Variants in SEMA6D observed in about 807,000 individuals in gnomAD.
SEMA6D encodes semaphorin 6D, also known as semaphorin-6D.
SEMA6D carries 35 observed loss-of-function variants against 106.6 expected under a neutral mutation model. That is an observed-to-expected ratio of 0.33 (90% CI 0.25 to 0.44). The LOEUF is 0.44. SEMA6D is among the 20% of genes least tolerant of loss of function. The pLI, the probability that SEMA6D is intolerant of heterozygous loss-of-function variation, is 1.00. For synonymous variants in SEMA6D, 499 were observed against 487.7 expected, an observed-to-expected ratio of 1.02 and a Z score of -0.31; for missense variants, 1,185 against 1,345.9, an observed-to-expected ratio of 0.88 and a Z score of 1.87.
intron 1 of SEMA6D, among the ~76,000 whole-genome samples, chr15:47,237,340 A>ACAGTTATTC (rs2032614946): frequency 6.6e-6 from 1 of 152,120 alleles, no homozygotes; most frequent in Non-Finnish European, 1.5e-5. Context: ...TTAAATGATC[A>ACAGTTATTC]CACTGTGATT....
chr15:47,384,830 T>TTTTG (rs1567042677), intron 1 of SEMA6D, among the ~76,000 whole-genome samples: 14 of 144,996 alleles, frequency 9.7e-5, no homozygotes, highest in Admixed American at 3.5e-4. Context: ...TTTTTTTTTT[T>TTTTG]TTTTTTTTTT....
intron 2 of SEMA6D, among the ~76,000 whole-genome samples, chr15:47,459,979 C>G (rs2141021643): frequency 6.6e-6 from 1 of 152,144 alleles, no homozygotes; most frequent in South Asian, 2.1e-4. Flanking sequence ...CTTTTAAGCT[C>G]TTTAGATCCC....
intron 3 of SEMA6D, among the ~76,000 whole-genome samples, chr15:47,558,033 G>A (rs2045965207): frequency 6.6e-6 from 1 of 152,086 alleles, no homozygotes; most frequent in Non-Finnish European, 1.5e-5. Flanking sequence ...ACCGTGTAAA[G>A]CAATCTCACC....
At chr15:47,644,294 CATACACAATTGCACAGT>C (rs1171634602) in intron 4 of SEMA6D, among the ~76,000 whole-genome samples, 1 of 152,192 alleles carries the variant, frequency 6.6e-6, no homozygotes, top group Non-Finnish European at 1.5e-5. Flanking sequence ...ATGTTAAGTG[CATACACAATTGCACAGT>C]TGGCATTCAA....
intron 3 of SEMA6D, among the ~76,000 whole-genome samples, chr15:47,565,533 T>C (rs2046206178): frequency 6.6e-6 from 1 of 152,236 alleles, no homozygotes; most frequent in Non-Finnish European, 1.5e-5. Flanking sequence ...TCAATACTAT[T>C]GAGAATGTTT....
chr15:47,456,180 T>G (rs2042340750), intron 2 of SEMA6D, among the ~76,000 whole-genome samples: 1 of 151,948 alleles, frequency 6.6e-6, no homozygotes, highest in Non-Finnish European at 1.5e-5. Context: ...GATTCTGTGA[T>G]CTATGACTTA....
intron 4 of SEMA6D, among the ~76,000 whole-genome samples, chr15:47,655,150 G>C (rs1055566292): frequency 2.6e-5 from 4 of 152,328 alleles, no homozygotes; most frequent in Admixed American, 2.0e-4. Context: ...TCTTACTGAA[G>C]AAGATGTAGT....
intron 1 of SEMA6D, chr15:47,359,988 G>C (rs1228090275): frequency 2.0e-5 from 3 of 152,136 alleles, no homozygotes; most frequent in African/African-American, 7.2e-5. Flanking sequence ...AAAGATTTCA[G>C]AAGTGCTTTG....
At chr15:47,619,538 C>T (rs1262307689) in intron 4 of SEMA6D, among the ~76,000 whole-genome samples, 2 of 152,118 alleles carry the variant, frequency 1.3e-5, no homozygotes, top group African/African-American at 2.4e-5. Flanking sequence ...AGCAGTGTTC[C>T]TTAAAGTGTG....
At chr15:47,257,247 C>T (rs1253187805) in intron 1 of SEMA6D, among the ~76,000 whole-genome samples, 2 of 152,034 alleles carry the variant, frequency 1.3e-5, no homozygotes, top group South Asian at 2.1e-4. Flanking sequence ...TTAGTAGAGA[C>T]AGGGTTTCAC....
intron 1 of SEMA6D, among the ~76,000 whole-genome samples, chr15:47,381,079 A>G (rs1024925392): frequency 6.6e-6 from 1 of 152,280 alleles, no homozygotes; most frequent in Non-Finnish European, 1.5e-5. Context: ...GGCTGAAGCT[A>G]CCAGCCTGAA....
intron 1 of SEMA6D, among the ~76,000 whole-genome samples, chr15:47,746,262 A>G (rs1333489549): frequency 6.6e-6 from 1 of 152,216 alleles, no homozygotes; most frequent in Non-Finnish European, 1.5e-5. Flanking sequence ...CTGATGAGGC[A>G]CTTTGCAGAA....
At chr15:47,412,484 A>G (rs2040830419) in intron 2 of SEMA6D, 1 of 152,622 alleles carries the variant, frequency 6.6e-6, no homozygotes, top group Admixed American at 6.5e-5. Flanking sequence ...TAAGATTTAA[A>G]TATATAACAA....
At chr15:47,342,579 A>G (rs2037862604) in intron 1 of SEMA6D, among the ~76,000 whole-genome samples, 1 of 152,240 alleles carries the variant, frequency 6.6e-6, no homozygotes, top group African/African-American at 2.4e-5. Context: ...TTAGCATAGT[A>G]TTCTGAACAT....
At chr15:47,690,318 G>A (rs1034626716) in intron 4 of SEMA6D, among the ~76,000 whole-genome samples, 4 of 152,052 alleles carry the variant, frequency 2.6e-5, no homozygotes, top group African/African-American at 9.7e-5. Context: ...AGATGGGAAA[G>A]GAATAGCATT....
chr15:47,493,209 A>G (rs2043528378), intron 3 of SEMA6D, among the ~76,000 whole-genome samples: 1 of 152,192 alleles, frequency 6.6e-6, no homozygotes, highest in Non-Finnish European at 1.5e-5. Context: ...GCACATCAGC[A>G]TAAGGCACAG....
intron 1 of SEMA6D, among the ~76,000 whole-genome samples, chr15:47,245,948 C>T (rs970807200): frequency 2.0e-5 from 3 of 152,052 alleles, no homozygotes; most frequent in Non-Finnish European, 2.9e-5. Flanking sequence ...AAACATGCTT[C>T]GTGGGAATGG....
Position 47,759,897 on chromosome 15 carries a change from C to T in SEMA6D, c.99C>T (p.Val33=), listed in dbSNP as rs766427783. ...FPEDDEPLNT[V]DYHYSRQYPV... ...AAGATGATGAACCCCTTAATACTGTCGACTATCACTGTAAGTCGTCTCAAG... is the reference window on the plus strand; with the variant it reads ...AAGATGATGAACCCCTTAATACTGTTGACTATCACTGTAAGTCGTCTCAAG... The change falls in exon 2 of 19, where the codon GTC becomes GTT. Residue 33 remains valine (V), a synonymous_variant. Transcript: ENST00000536845. 1.6e-5 allele frequency: 25 copies of T among 1,609,148 alleles called. No individual in the cohort carries two copies. Among genetic ancestry groups the T allele is most frequent in the South Asian group, 8.8e-5 (8 of 90,964 alleles).
chr15:47,724,362 A>T (rs1002000467), intron 1 of SEMA6D, among the ~76,000 whole-genome samples: 1 of 152,224 alleles, frequency 6.6e-6, no homozygotes, highest in Non-Finnish European at 1.5e-5. Context: ...GAGGTCAGGG[A>T]TCTTACTGCG....
Sources: gnomAD v4.1 joint callset for allele counts (sites outside exome capture counted in the v4.1 genomes callset) on GRCh38, gnomAD v4.1.1 for gene constraint, MANE v1.5 for transcripts, NCBI Gene and HGNC (gene_info 2026-07-23, HGNC 2026-07-21) for gene names.